NEBL: variants seen among roughly 807,000 people sequenced by gnomAD.
NEBL encodes nebulette.
NEBL carries 122 observed loss-of-function variants against 140.2 expected under a neutral mutation model. That is an observed-to-expected ratio of 0.87 (90% CI 0.75 to 1.01). The LOEUF is 1.01. NEBL is among the 50% of genes least tolerant of loss of function. The pLI is 0.00. For synonymous variants in NEBL, 436 were observed against 398.9 expected, an observed-to-expected ratio of 1.09 and a Z score of -1.11; for missense variants, 1,365 against 1,231.3, an observed-to-expected ratio of 1.11 and a Z score of -1.62.
At chr10:21,040,371 T>A (rs903673591) in intron 2 of NEBL, among the ~76,000 whole-genome samples, 10 of 152,014 alleles carry the variant, frequency 6.6e-5, no homozygotes, top group African/African-American at 2.4e-4. Flanking sequence ...TTTATTTGGC[T>A]GACAGTTCTG....
chr10:21,145,813 C>T (rs1299223984), intron 2 of NEBL, among the ~76,000 whole-genome samples: 3 of 152,138 alleles, frequency 2.0e-5, no homozygotes, highest in Middle Eastern at 3.2e-3. Context: ...CCAAGGGCTC[C>T]GGCAGCTGGA....
intron 4 of NEBL, among the ~76,000 whole-genome samples, chr10:20,922,909 A>C (rs2131505691): frequency 6.6e-6 from 1 of 152,320 alleles, no homozygotes; most frequent in East Asian, 1.9e-4. Context: ...AAACACACAG[A>C]AACCGATGAC....
At position 20,880,736 on chromosome 10, in the gene NEBL, G is replaced by A. The variant is rs190737775; in HGVS notation, c.480+58C>T. On this transcript the variant is annotated intron_variant, in intron 5 of 27. Transcript: ENST00000377122. ...TTAAATTTCAGCAAAATAAACATAA[G>A]CCCTAATATGACTTAACTACAGTTC... 3.3e-5 allele frequency: 40 copies of A among 1,229,970 alleles called. No homozygotes were observed. In the African/African-American group the frequency reaches 4.0e-4, roughly 12 times the overall value. 76.2% of individuals were successfully genotyped at this position (1,229,970 alleles called of 1,614,324 possible). A position where few individuals can be genotyped will look rare whatever the true frequency, so the allele number is the denominator to read the frequency against.
At chr10:21,202,277 G>A (rs986221051) in intron 3 of NEBL, among the ~76,000 whole-genome samples, 2 of 151,854 alleles carry the variant, frequency 1.3e-5, no homozygotes, top group African/African-American at 2.4e-5. Flanking sequence ...TATTATATAT[G>A]CAAGCTACTT....
chr10:20,813,001 T>G, intron 23 of NEBL, 61 bp from the exon 24 acceptor site: 1 of 1,407,144 alleles, frequency 7.1e-7, no homozygotes, highest in Admixed American at 1.7e-5. Flanking sequence ...CACAACATTT[T>G]TATTAAATGA....
chr10:21,262,465 C>T (rs925564705), intron 1 of NEBL, among the ~76,000 whole-genome samples: 39 of 152,282 alleles, frequency 2.6e-4, no homozygotes, highest in African/African-American at 9.4e-4. Flanking sequence ...GAGTGTCAGT[C>T]TTGCAAAGCT....
At chr10:21,205,033 G>A (rs1841804368) in intron 3 of NEBL, among the ~76,000 whole-genome samples, 1 of 152,220 alleles carries the variant, frequency 6.6e-6, no homozygotes, top group South Asian at 2.1e-4. Context: ...CAATCAGTCA[G>A]AGTCCATTTC....
chr10:21,282,251 C>T (rs1233102768), intron 1 of NEBL, among the ~76,000 whole-genome samples: 1 of 152,190 alleles, frequency 6.6e-6, no homozygotes, highest in East Asian at 1.9e-4. Flanking sequence ...TGGATGAGCT[C>T]TCTGCGGGGG....
intron 3 of NEBL, among the ~76,000 whole-genome samples, chr10:21,216,115 C>T (rs1423048813): frequency 2.6e-5 from 4 of 152,160 alleles, no homozygotes; most frequent in Non-Finnish European, 5.9e-5. Context: ...CCACGGTATG[C>T]AGTAGGGTAC....
chr10:21,275,807 ATTTTTTTTTTT>A (rs959684198), intron 1 of NEBL, among the ~76,000 whole-genome samples: 1 of 113,804 alleles, frequency 8.8e-6, no homozygotes, highest in South Asian at 2.9e-4. Context: ...CACCCAGCTA[ATTTTTTTTTTT>A]TTTTTTTTTT....
intron 1 of NEBL, among the ~76,000 whole-genome samples, chr10:21,259,999 G>A (rs1842718592): frequency 6.6e-6 from 1 of 152,176 alleles, no homozygotes. Flanking sequence ...GCACGGAAGA[G>A]AAAAAGAAAT....
At chr10:20,967,026 A>G (rs1248147005) in intron 3 of NEBL, among the ~76,000 whole-genome samples, 1 of 152,178 alleles carries the variant, frequency 6.6e-6, no homozygotes. Context: ...AGGAGAGTTC[A>G]CGTTAAAAGG....
chr10:21,011,868 C>T (rs1363472155), intron 3 of NEBL, among the ~76,000 whole-genome samples: 1 of 152,194 alleles, frequency 6.6e-6, no homozygotes, highest in Non-Finnish European at 1.5e-5. Flanking sequence ...CCTGGCAGCT[C>T]CCAGCAAGCA....
At chr10:20,835,976 G>A (rs1297506217) in intron 13 of NEBL, among the ~76,000 whole-genome samples, 2 of 152,172 alleles carry the variant, frequency 1.3e-5, no homozygotes, top group African/African-American at 4.8e-5. Flanking sequence ...TTCACCAGCT[G>A]TATGACACTG....
intron 1 of NEBL, among the ~76,000 whole-genome samples, chr10:21,277,239 C>T (rs1186264953): frequency 7.0e-6 from 1 of 143,368 alleles, no homozygotes; most frequent in Non-Finnish European, 1.5e-5. Context: ...GACGGAGTCT[C>T]GCTCTGTCGC....
chr10:21,178,720 T>A (rs1346562636), upstream of NEBL, among the ~76,000 whole-genome samples: 1 of 152,228 alleles, frequency 6.6e-6, no homozygotes, highest in African/African-American at 2.4e-5. Context: ...CATTCCTTGG[T>A]AGATGACATA....
At chr10:20,947,681 TCACACACACACACACACA>T (rs5783757) in intron 4 of NEBL, among the ~76,000 whole-genome samples, 2 of 144,182 alleles carry the variant, frequency 1.4e-5, no homozygotes, top group Non-Finnish European at 3.1e-5. Flanking sequence ...TACTGAGAAA[TCACACACACACACACACA>T]CACACACACA....
Position 20,817,835 on chromosome 10 carries a change from C to T in NEBL, c.2056-143G>A, listed in dbSNP as rs752286743. 5.9e-4 allele frequency: 424 copies of T among 719,574 alleles called. 1 individual carries two copies. The highest frequency in any genetic ancestry group is 8.6e-4 in the Non-Finnish European group (343 of 400,920). The allele number at this position is 719,574 out of a possible 1,614,324, so 44.6% of individuals were successfully genotyped here. A position where few individuals can be genotyped will look rare whatever the true frequency, so the allele number is the denominator to read the frequency against. The stretch of plus-strand genomic sequence containing the variant: ...ACATCAACCTTCACGCTTACATATA[C>T]GCCCACATTCCGATGGGTCTGATTT... On this transcript the variant is annotated intron_variant, in intron 20 of 27. Coordinates refer to ENST00000377122, the MANE Select transcript of NEBL (RefSeq NM_006393.3).
chr10:21,214,074 T>C (rs1211225483), intron 3 of NEBL, among the ~76,000 whole-genome samples: 3 of 152,076 alleles, frequency 2.0e-5, no homozygotes, highest in African/African-American at 4.8e-5. Context: ...AATCTTAACT[T>C]CTGTCTTAGT....
Sources: allele counts gnomAD v4.1 joint callset (sites outside exome capture counted in the v4.1 genomes callset), GRCh38; gene constraint gnomAD v4.1.1; transcripts MANE v1.5; gene names NCBI Gene and HGNC (gene_info 2026-07-23, HGNC 2026-07-21).